ANK3: variants seen among roughly 807,000 people sequenced by gnomAD.
ANK3 encodes ankyrin-3.
ANK3 carries 57 observed loss-of-function variants against 370.9 expected under a neutral mutation model. That is an observed-to-expected ratio of 0.15 (90% CI 0.12 to 0.19). The LOEUF is 0.19. Ranked by LOEUF, ANK3 falls within the 10% of genes least tolerant of loss-of-function variation. ANK3 has a pLI of 1.00. For missense variants in ANK3, 4,439 were observed against 5,302.1 expected, an observed-to-expected ratio of 0.84 and a Z score of 5.06; for synonymous variants, 1,929 against 1,946.3, an observed-to-expected ratio of 0.99 and a Z score of 0.23.
chr10:60,497,748 G>C (rs2075696581), intron 2 of ANK3, among the ~76,000 whole-genome samples: 2 of 152,076 alleles, frequency 1.3e-5, no homozygotes. Flanking sequence ...CCCCTTCGCA[G>C]TTTTAAAAAG....
intron 2 of ANK3, among the ~76,000 whole-genome samples, chr10:60,588,756 A>G (rs2077869415): frequency 6.6e-6 from 1 of 152,072 alleles, no homozygotes. Flanking sequence ...AAAATAAAAA[A>G]AAACATAGTT....
intron 8 of ANK3, among the ~76,000 whole-genome samples, chr10:60,217,484 C>G (rs1442629517): frequency 1.3e-5 from 2 of 152,090 alleles, no homozygotes; most frequent in Admixed American, 6.6e-5. Flanking sequence ...TTTCAAAGAA[C>G]TTCTTGATTT....
At chr10:60,279,181 C>T (rs372742325) in intron 2 of ANK3, 33 bp from the exon 3 acceptor site, 1 of 1,594,556 alleles carries the variant, frequency 6.3e-7, no homozygotes, top group African/African-American at 1.3e-5. Context: ...CTCTACTCAG[C>T]AGGTTGAAAA....
chr10:60,350,989 T>A (rs149731554), intron 1 of ANK3, among the ~76,000 whole-genome samples: 1 of 152,214 alleles, frequency 6.6e-6, no homozygotes, highest in Non-Finnish European at 1.5e-5. Flanking sequence ...CTAAGCCGAC[T>A]TTTATAAAAC....
intron 23 of ANK3, chr10:60,140,279 G>T: frequency 6.9e-7 from 1 of 1,443,536 alleles, no homozygotes. Flanking sequence ...AACTATTTAC[G>T]GCTGGGCTAT....
At position 60,510,212 on chromosome 10, in the gene ANK3, A is replaced by G. The variant is rs151322992; in HGVS notation, c.96+104974T>C. Among the ~76,000 whole-genome samples, 376 of 152,276 alleles carry G rather than the reference A, an allele frequency of 2.5e-3. 9 individuals are homozygous for G. Among genetic ancestry groups the G allele is most frequent in the Admixed American group, 0.02 (306 of 15,274 alleles). On this transcript the variant is annotated intron_variant, in intron 2 of 43. Coordinates refer to the ANK3 transcript ENST00000373827. ...ACACATAGGTAAGTGATAGGTAGAC[A>G]GAGCTTTCATATATATATCTACATA...
intron 1 of ANK3, among the ~76,000 whole-genome samples, chr10:60,287,036 T>G (rs2040172237): frequency 6.6e-6 from 1 of 152,144 alleles, no homozygotes; most frequent in African/African-American, 2.4e-5. Flanking sequence ...CTCTTCTGTA[T>G]GGTGGGTTTA....
At chr10:60,507,387 A>G (rs1412468570) in intron 2 of ANK3, 1 of 152,082 alleles carries the variant, frequency 6.6e-6, no homozygotes, top group East Asian at 1.9e-4. Context: ...TACTCGTAAC[A>G]TTGAGCCACT....
chr10:60,344,941 A>T (rs1254089219), intron 1 of ANK3, among the ~76,000 whole-genome samples: 1 of 152,202 alleles, frequency 6.6e-6, no homozygotes, highest in Non-Finnish European at 1.5e-5. Flanking sequence ...GGACACATTC[A>T]TTCTGAAAAG....
chr10:60,588,777 G>T (rs1456414402), intron 2 of ANK3, among the ~76,000 whole-genome samples: 1 of 152,020 alleles, frequency 6.6e-6, no homozygotes, highest in African/African-American at 2.4e-5. Context: ...GGGCATGGTT[G>T]TGCATGCCTA....
chr10:60,342,402 G>A (rs889359189), intron 1 of ANK3, among the ~76,000 whole-genome samples: 3 of 152,088 alleles, frequency 2.0e-5, no homozygotes, highest in African/African-American at 7.2e-5. Flanking sequence ...TCTTCAGAGG[G>A]GAAGGCTGGT....
At chr10:60,099,959 G>T (rs949066825) in intron 28 of ANK3, among the ~76,000 whole-genome samples, 1 of 151,752 alleles carries the variant, frequency 6.6e-6, no homozygotes, top group African/African-American at 2.4e-5. Context: ...GGGGTGGGGG[G>T]CAGGATGGCT....
At chr10:60,267,416 C>A (rs1201359907) in intron 5 of ANK3, among the ~76,000 whole-genome samples, 2 of 152,110 alleles carry the variant, frequency 1.3e-5, no homozygotes, top group East Asian at 3.9e-4. Flanking sequence ...AGCAATATAA[C>A]AGCAACCTCC....
In ANK3 at chr10:60,359,783, A is replaced by G. The variant is rs553053204; in HGVS notation, c.114+29642T>C. On this transcript the variant is annotated intron_variant, in intron 1 of 43. Transcript: ENST00000280772. ...TACTGCATTCTAGACTGGGTGACAG[A>G]GAAAGCCCCTGTCTCTAAAACTAAT... Among the ~76,000 whole-genome samples the G allele has an allele frequency of 1.2e-4, 19 of 152,322 alleles. No homozygotes were observed. The South Asian group carries it at 3.5e-3, about 28-fold the overall frequency.
chr10:60,390,024 A>C, upstream of ANK3: 1 of 133,088 alleles, frequency 7.5e-6, no homozygotes, highest in Non-Finnish European at 1.5e-5. Flanking sequence ...TGCAATTTAT[A>C]CATCACCACT....
chr10:60,408,030 G>A (rs2063487935), intron 2 of ANK3, among the ~76,000 whole-genome samples: 2 of 152,136 alleles, frequency 1.3e-5, no homozygotes, highest in African/African-American at 4.8e-5. Context: ...ATCTGCTCAG[G>A]CAACTTACTT....
intron 2 of ANK3, among the ~76,000 whole-genome samples, chr10:60,559,576 G>T (rs552433129): frequency 6.6e-6 from 1 of 152,254 alleles, no homozygotes; most frequent in Admixed American, 6.5e-5. Flanking sequence ...CAAGGACTTA[G>T]AAAATTTAAG....
At position 60,617,180 on chromosome 10, in the gene ANK3, T is replaced by C. The variant is rs114013893; in HGVS notation, c.58-1956A>G. Among the ~76,000 whole-genome samples, 302 of 152,316 alleles carry C rather than the reference T, an allele frequency of 2.0e-3. 1 individual carries two copies. Among genetic ancestry groups the C allele is most frequent in the African/African-American group, 6.9e-3 (287 of 41,580 alleles). On this transcript the variant is annotated intron_variant, in intron 1 of 43. Transcript: ENST00000373827. ...AGTTTAAATTTTATGTAATGAAACA[T>C]ATCAATCATTTACTTGGGGATGTCT...
At chr10:60,647,654 A>G (rs941103296) in intron 1 of ANK3, among the ~76,000 whole-genome samples, 1 of 151,986 alleles carries the variant, frequency 6.6e-6, no homozygotes, top group Non-Finnish European at 1.5e-5. Context: ...TATGTCCTGT[A>G]TGGACCTGGA....
Sources: allele counts gnomAD v4.1 joint callset (sites outside exome capture counted in the v4.1 genomes callset), GRCh38; gene constraint gnomAD v4.1.1; transcripts MANE v1.5; gene names NCBI Gene and HGNC (gene_info 2026-07-23, HGNC 2026-07-21).